ELMO1: variants seen among roughly 807,000 people sequenced by gnomAD.
ELMO1 encodes engulfment and cell motility 1, also known as engulfment and cell motility protein 1.
A neutral mutation model predicts 98.9 loss-of-function variants in ELMO1; 26 were observed. That is an observed-to-expected ratio of 0.26 (90% confidence interval 0.19 to 0.36). ELMO1 has a LOEUF of 0.36. ELMO1 is among the 10% of genes least tolerant of loss of function. The pLI is 1.00. For missense variants in ELMO1, 627 were observed against 935.2 expected (o/e 0.67, Z 4.30); for synonymous variants, 346 against 346.0 (o/e 1.00, Z 0.00).
intron 13 of ELMO1, among the ~76,000 whole-genome samples, chr7:37,147,920 T>C (rs1442671566): frequency 3.3e-5 from 5 of 152,004 alleles, no homozygotes; most frequent in Non-Finnish European, 5.9e-5. Flanking sequence ...GAAGTTGTAC[T>C]AACTTCCGTT....
chr7:37,051,443 G>C (rs1455208719), intron 15 of ELMO1, among the ~76,000 whole-genome samples: 1 of 152,218 alleles, frequency 6.6e-6, no homozygotes, highest in African/African-American at 2.4e-5. Flanking sequence ...TTATGAGACA[G>C]TATGAATTAT....
intron 14 of ELMO1, among the ~76,000 whole-genome samples, chr7:37,119,959 TAA>T (rs749906048): frequency 6.6e-6 from 1 of 152,314 alleles, no homozygotes. Context: ...ATTTTTTGGG[TAA>T]GCAATTATAT....
At chr7:36,915,677 A>G (rs1784637114) in intron 16 of ELMO1, among the ~76,000 whole-genome samples, 1 of 152,200 alleles carries the variant, frequency 6.6e-6, no homozygotes, top group Non-Finnish European at 1.5e-5. Context: ...TAAAAATAGC[A>G]TGGGTTTGTG....
intron 15 of ELMO1, among the ~76,000 whole-genome samples, chr7:37,046,160 T>G (rs1034338928): frequency 1.3e-4 from 20 of 152,268 alleles, no homozygotes; most frequent in African/African-American, 4.3e-4. Flanking sequence ...GATCTTTCAC[T>G]GTTGCCTATA....
At chr7:36,866,203 TTA>T (rs1485717162) in intron 20 of ELMO1, among the ~76,000 whole-genome samples, 1 of 152,186 alleles carries the variant, frequency 6.6e-6, no homozygotes, top group Non-Finnish European at 1.5e-5. Flanking sequence ...TTTTTATAAA[TTA>T]TAGAGTTTGA....
chr7:36,872,052 C>T (rs1237506046), intron 19 of ELMO1, among the ~76,000 whole-genome samples: 5 of 152,210 alleles, frequency 3.3e-5, no homozygotes, highest in Admixed American at 3.3e-4. Context: ...GCTGTCTCTC[C>T]TTCCTTCTGG....
chr7:37,168,072 G>C (rs1372377247), intron 13 of ELMO1, among the ~76,000 whole-genome samples: 5 of 150,018 alleles, frequency 3.3e-5, no homozygotes, highest in Admixed American at 6.6e-5. Context: ...TTCCCTTCTC[G>C]CTTCATTTCA....
intron 2 of ELMO1, among the ~76,000 whole-genome samples, chr7:37,318,710 G>T (rs77126783): frequency 0.097 from 14,726 of 152,208 alleles, 814 homozygotes; most frequent in Middle Eastern, 0.13. Context: ...AACACCCATA[G>T]GTTAGCCTAG....
rs750259255 is a variant in ELMO1, at chr7:37,213,389, G to C, written c.900C>G (p.Leu300=). 6.2e-7 allele frequency: 1 copy of C among 1,612,786 alleles called. No homozygotes were observed. The highest frequency in any genetic ancestry group is 1.7e-5 in the Admixed American group (1 of 60,006). ...MAHQLYVLQV[L]TFNLLEDRMM... ...TCCTGTCTTCCAGGAGGTTAAAGGT[G>C]AGCACTTGTAGAACATACAGCTGGT... The change falls in exon 12 of 22, where the codon CTC becomes CTG. Residue 300 remains leucine, a synonymous_variant. Transcript: ENST00000310758.
At chr7:37,138,534 A>G (rs1787413237) in intron 13 of ELMO1, among the ~76,000 whole-genome samples, 1 of 152,238 alleles carries the variant, frequency 6.6e-6, no homozygotes, top group African/African-American at 2.4e-5. Context: ...AAGATATAGA[A>G]TCTCTGAGCA....
intron 6 of ELMO1, among the ~76,000 whole-genome samples, chr7:37,256,957 C>A (rs1795697755): frequency 6.6e-6 from 1 of 152,194 alleles, no homozygotes; most frequent in African/African-American, 2.4e-5. Flanking sequence ...AATGCCTATC[C>A]TGACACTGTA....
At chr7:37,232,431 G>A (rs891779822) in intron 8 of ELMO1, among the ~76,000 whole-genome samples, 1 of 152,204 alleles carries the variant, frequency 6.6e-6, no homozygotes, top group South Asian at 2.1e-4. Context: ...ACAAGATCAA[G>A]ACTGTTTATT....
intron 2 of ELMO1, among the ~76,000 whole-genome samples, chr7:37,334,950 T>C (rs1454537121): frequency 6.6e-6 from 1 of 152,158 alleles, no homozygotes; most frequent in Non-Finnish European, 1.5e-5. Context: ...ACCACCAGTG[T>C]TTTATTCTTA....
intron 14 of ELMO1, among the ~76,000 whole-genome samples, chr7:37,102,676 C>T (rs1327332803): frequency 6.6e-6 from 1 of 152,168 alleles, no homozygotes; most frequent in Non-Finnish European, 1.5e-5. Flanking sequence ...CACACGTGTA[C>T]CAGCACATGC....
intron 4 of ELMO1, among the ~76,000 whole-genome samples, chr7:37,293,967 T>G (rs1797897159): frequency 6.6e-6 from 1 of 152,136 alleles, no homozygotes; most frequent in South Asian, 2.1e-4. Context: ...TACAGTTATT[T>G]GAACTAAGAG....
chr7:37,378,729 CA>C (rs1802466347), intron 1 of ELMO1, among the ~76,000 whole-genome samples: 1 of 152,086 alleles, frequency 6.6e-6, no homozygotes. Context: ...TCTGTTCAAA[CA>C]ATTTGAAAAT....
chr7:37,276,436 A>G (rs897772082), intron 4 of ELMO1, among the ~76,000 whole-genome samples: 1 of 152,048 alleles, frequency 6.6e-6, no homozygotes, highest in Non-Finnish European at 1.5e-5. Context: ...GTGAAACCCC[A>G]TCTCTACCAA....
intron 16 of ELMO1, among the ~76,000 whole-genome samples, chr7:36,905,281 G>T (rs1783879307): frequency 6.6e-6 from 1 of 152,122 alleles, no homozygotes; most frequent in South Asian, 2.1e-4. Context: ...AAATCCTTCT[G>T]TAGTTACAAG....
At chr7:37,095,173 T>A (rs1784308613) in intron 15 of ELMO1, among the ~76,000 whole-genome samples, 1 of 152,154 alleles carries the variant, frequency 6.6e-6, no homozygotes, top group Non-Finnish European at 1.5e-5. Context: ...AGAACACCAC[T>A]ACTCACTCCA....
Sources: allele counts gnomAD v4.1 joint callset (sites outside exome capture counted in the v4.1 genomes callset), GRCh38; gene constraint gnomAD v4.1.1; transcripts MANE v1.5; gene names NCBI Gene and HGNC (gene_info 2026-07-23, HGNC 2026-07-21).